The following CACNA2D3 variants were observed in gnomAD, a reference collection of about 807,000 sequenced individuals.
CACNA2D3 encodes the protein calcium voltage-gated channel auxiliary subunit alpha2delta 3.
CACNA2D3 carries 60 observed loss-of-function variants against 160.6 expected under a neutral mutation model. The ratio of observed to expected loss-of-function variants is 0.37; its 90% CI spans 0.30 to 0.46. The LOEUF (loss-of-function observed/expected upper bound fraction) is 0.46, where lower values mean the gene tolerates loss of function less well. CACNA2D3 is among the 20% of genes least tolerant of loss of function. The pLI, the probability that CACNA2D3 is intolerant of heterozygous loss-of-function variation, is 1.00. For synonymous variants in CACNA2D3, 558 were observed against 492.9 expected (o/e 1.13, Z -1.75); for missense variants, 1,205 against 1,365.0 (o/e 0.88, Z 1.85).
At chr3:54,268,311 G>A (rs918082336) in intron 2 of CACNA2D3, among the ~76,000 whole-genome samples, 5 of 152,164 alleles carry the variant, frequency 3.3e-5, no homozygotes, top group African/African-American at 1.2e-4. Context: ...TGCCATTGCT[G>A]TGCTGTTACC....
chr3:54,975,069 A>C (rs143919652), intron 29 of CACNA2D3, among the ~76,000 whole-genome samples: 1 of 152,234 alleles, frequency 6.6e-6, no homozygotes, highest in East Asian at 1.9e-4. Context: ...CAGCACTCTG[A>C]CCCCCTAACT....
intron 12 of CACNA2D3, among the ~76,000 whole-genome samples, chr3:54,754,214 T>G (rs1277396645): frequency 6.6e-6 from 1 of 152,206 alleles, no homozygotes; most frequent in Non-Finnish European, 1.5e-5. Context: ...GGCCTTCTTT[T>G]CATTTTACAC....
At chr3:54,422,914 G>A (rs1272193131) in intron 4 of CACNA2D3, among the ~76,000 whole-genome samples, 1 of 152,174 alleles carries the variant, frequency 6.6e-6, no homozygotes, top group Non-Finnish European at 1.5e-5. Flanking sequence ...TGCCTGTGTG[G>A]GAAAAGCTAA....
intron 11 of CACNA2D3, among the ~76,000 whole-genome samples, chr3:54,665,903 G>A (rs1396107928): frequency 6.6e-6 from 1 of 151,724 alleles, no homozygotes; most frequent in Non-Finnish European, 1.5e-5. Context: ...TCAGGTTCAA[G>A]CGATACTCCT....
At chr3:54,660,406 C>T (rs374245322) in intron 11 of CACNA2D3, among the ~76,000 whole-genome samples, 29 of 152,090 alleles carry the variant, frequency 1.9e-4, no homozygotes, top group Non-Finnish European at 3.7e-4. Context: ...GTGATCCACC[C>T]GCCTCGGCCT....
chr3:54,905,328 T>C (rs766907010), intron 27 of CACNA2D3, among the ~76,000 whole-genome samples: 8 of 152,190 alleles, frequency 5.3e-5, no homozygotes, highest in Non-Finnish European at 1.0e-4. Context: ...TCAGTGATCA[T>C]TAACTGTTGC....
intron 4 of CACNA2D3, among the ~76,000 whole-genome samples, chr3:54,456,176 T>G (rs1428680680): frequency 2.0e-5 from 3 of 152,080 alleles, no homozygotes; most frequent in African/African-American, 7.2e-5. Flanking sequence ...CTTCGGTATA[T>G]TCATGAGGCT....
intron 2 of CACNA2D3, among the ~76,000 whole-genome samples, chr3:54,301,413 A>G (rs751573448): frequency 6.6e-6 from 1 of 152,174 alleles, no homozygotes; most frequent in Non-Finnish European, 1.5e-5. Context: ...GCAATGACCT[A>G]TGATCATGAC....
intron 2 of CACNA2D3, among the ~76,000 whole-genome samples, chr3:54,174,719 G>A (rs368091260): frequency 9.2e-5 from 14 of 152,276 alleles, no homozygotes; most frequent in African/African-American, 3.4e-4. Context: ...TAGAGATGGG[G>A]TTTCACCGTG....
At chr3:54,276,187 C>A (rs1702734510) in intron 2 of CACNA2D3, among the ~76,000 whole-genome samples, 1 of 152,090 alleles carries the variant, frequency 6.6e-6, no homozygotes, top group African/African-American at 2.4e-5. Flanking sequence ...TCTCCCACTG[C>A]CCCCTTGTTG....
chr3:54,707,581 T>G (rs971725960), intron 11 of CACNA2D3, among the ~76,000 whole-genome samples: 2 of 152,170 alleles, frequency 1.3e-5, no homozygotes, highest in African/African-American at 4.8e-5. Context: ...AGATCCTGAT[T>G]CTTTTATCTG....
intron 3 of CACNA2D3, among the ~76,000 whole-genome samples, chr3:54,383,022 A>G (rs1699129371): frequency 6.6e-6 from 1 of 151,670 alleles, no homozygotes; most frequent in South Asian, 2.1e-4. Flanking sequence ...TAATTTTTGT[A>G]TTTTTTGTAG....
intron 5 of CACNA2D3, among the ~76,000 whole-genome samples, chr3:54,505,949 G>A (rs1031788571): frequency 1.3e-5 from 2 of 152,202 alleles, no homozygotes; most frequent in African/African-American, 4.8e-5. Context: ...TGTAGCTAAT[G>A]ATATTCAAAG....
chr3:54,500,113 A>G (rs1047573883), intron 4 of CACNA2D3, among the ~76,000 whole-genome samples: 1 of 152,180 alleles, frequency 6.6e-6, no homozygotes, highest in African/African-American at 2.4e-5. Context: ...TTGTCTTCTT[A>G]GAGAATTAAC....
rs914945781 is a variant in CACNA2D3 at position 54,176,737 on chromosome 3, G to C, written c.204+53143G>C. ...ACCCTATACTTATTCATTACCAGGT[G>C]ATTTAAAGCCTTCCTTTGTTGATTT... On this transcript the variant is annotated intron_variant, in intron 2 of 37. Transcript: ENST00000474759. 2.6e-5 allele frequency among the ~76,000 whole-genome samples: 4 copies of C among 152,112 alleles called. No individual in the cohort carries two copies. The South Asian group carries it at 8.3e-4, about 31-fold the overall frequency.
intron 16 of CACNA2D3, among the ~76,000 whole-genome samples, chr3:54,839,026 T>C (rs899015564): frequency 6.6e-6 from 1 of 152,058 alleles, no homozygotes; most frequent in African/African-American, 2.4e-5. Flanking sequence ...GGGAGGCCGA[T>C]GCGGGTGGAT....
At chr3:54,726,458 A>G (rs975150509) in intron 11 of CACNA2D3, among the ~76,000 whole-genome samples, 7 of 152,214 alleles carry the variant, frequency 4.6e-5, no homozygotes, top group African/African-American at 7.2e-5. Flanking sequence ...AGCCAAGACA[A>G]TCCTGGGCAA....
At chr3:54,943,418 T>G (rs933397174) in intron 27 of CACNA2D3, among the ~76,000 whole-genome samples, 3 of 152,204 alleles carry the variant, frequency 2.0e-5, no homozygotes, top group African/African-American at 7.2e-5. Flanking sequence ...TGCTTTGGAC[T>G]TTTTACACCG....
At chr3:54,123,436 T>C in intron 1 of CACNA2D3, 77 bp from the exon 2 acceptor site, 2 of 916,914 alleles carry the variant, frequency 2.2e-6, no homozygotes, top group Admixed American at 1.7e-5. Flanking sequence ...CATAGTCCCA[T>C]GTGTGCGTGT....
Sources: gnomAD v4.1 joint callset for allele counts (sites outside exome capture counted in the v4.1 genomes callset) on GRCh38, gnomAD v4.1.1 for gene constraint, MANE v1.5 for transcripts, NCBI Gene and HGNC (gene_info 2026-07-23, HGNC 2026-07-21) for gene names.